The following CSMD1 variants were observed in gnomAD, a reference collection of about 807,000 sequenced individuals.
CSMD1 encodes CUB and sushi domain-containing protein 1.
Under a neutral mutation model 417.5 loss-of-function variants are expected in CSMD1, and 213 were observed. The observed-to-expected ratio is 0.51, with a 90% CI of 0.46 to 0.57. The LOEUF (loss-of-function observed/expected upper bound fraction) is 0.57, where lower values mean the gene tolerates loss of function less well. Ranked by LOEUF, CSMD1 falls within the 20% of genes least tolerant of loss-of-function variation. CSMD1 has a pLI of 0.00. For synonymous variants in CSMD1, 2,862 were observed against 1,736.8 expected, an observed-to-expected ratio of 1.65 and a Z score of -16.11; for missense variants, 6,923 against 4,529.7, an observed-to-expected ratio of 1.53 and a Z score of -15.17.
intron 3 of CSMD1, among the ~76,000 whole-genome samples, chr8:4,138,374 C>A (rs540963254): frequency 1.3e-5 from 2 of 152,104 alleles, no homozygotes; most frequent in Admixed American, 6.5e-5. Flanking sequence ...TGTTCTGATA[C>A]CTGCTCTGGC....
At chr8:4,668,431 AT>A (rs1407003799) in intron 1 of CSMD1, among the ~76,000 whole-genome samples, 3 of 143,334 alleles carry the variant, frequency 2.1e-5, no homozygotes, top group Non-Finnish European at 4.5e-5. Context: ...TATTATTATT[AT>A]TATTATTATT....
At chr8:4,175,256 T>C (rs1002308489) in intron 3 of CSMD1, among the ~76,000 whole-genome samples, 2 of 152,132 alleles carry the variant, frequency 1.3e-5, no homozygotes, top group Non-Finnish European at 1.5e-5. Context: ...AATGAAACCA[T>C]TTATATTTAA....
intron 11 of CSMD1, among the ~76,000 whole-genome samples, chr8:3,483,250 G>A (rs187027694): frequency 6.6e-6 from 1 of 152,076 alleles, no homozygotes; most frequent in Admixed American, 6.5e-5. Flanking sequence ...AAGAGAAAGG[G>A]AGAGAGAGAT....
chr8:3,054,155 G>T (rs962976743), intron 49 of CSMD1, among the ~76,000 whole-genome samples: 4 of 152,100 alleles, frequency 2.6e-5, no homozygotes, highest in African/African-American at 9.7e-5. Context: ...GGAGTTCCTT[G>T]GTTTGCTGTA....
intron 49 of CSMD1, among the ~76,000 whole-genome samples, chr8:3,060,718 T>C (rs987143892): frequency 2.6e-5 from 4 of 152,178 alleles, no homozygotes; most frequent in African/African-American, 9.7e-5. Flanking sequence ...ATGCATCTCC[T>C]CCAAAATTCA....
intron 4 of CSMD1, among the ~76,000 whole-genome samples, chr8:4,004,963 C>G (rs1249528584): frequency 6.6e-6 from 1 of 152,144 alleles, no homozygotes; most frequent in African/African-American, 2.4e-5. Context: ...CCAGGATGGT[C>G]TCAATCTCCT....
At chr8:3,788,895 C>T (rs1028471958) in intron 5 of CSMD1, among the ~76,000 whole-genome samples, 1 of 152,146 alleles carries the variant, frequency 6.6e-6, no homozygotes, top group Non-Finnish European at 1.5e-5. Context: ...GAAACACAGG[C>T]TCAGAGGAGG....
intron 1 of CSMD1, among the ~76,000 whole-genome samples, chr8:4,778,552 A>AC (rs1190727614): frequency 2.0e-5 from 3 of 152,194 alleles, no homozygotes; most frequent in African/African-American, 7.2e-5. Context: ...ATAGATCAAT[A>AC]CTTCCCGCTA....
intron 7 of CSMD1, among the ~76,000 whole-genome samples, chr8:3,692,287 G>A (rs1800291970): frequency 6.6e-6 from 1 of 152,038 alleles, no homozygotes; most frequent in Non-Finnish European, 1.5e-5. Flanking sequence ...ACCACAATTT[G>A]TATACACCCC....
chr8:3,370,143 T>C (rs1445187903), intron 18 of CSMD1, among the ~76,000 whole-genome samples: 1 of 152,190 alleles, frequency 6.6e-6, no homozygotes, highest in African/African-American at 2.4e-5. Context: ...ATATCAATAA[T>C]TTAACCTTTT....
At chr8:4,781,985 T>C (rs1337666797) in intron 1 of CSMD1, among the ~76,000 whole-genome samples, 1 of 152,184 alleles carries the variant, frequency 6.6e-6, no homozygotes. Context: ...ACTTCATTTC[T>C]CCAGAGTTTC....
At chr8:3,979,141 G>C (rs569919446) in intron 5 of CSMD1, among the ~76,000 whole-genome samples, 6 of 152,338 alleles carry the variant, frequency 3.9e-5, no homozygotes, top group Admixed American at 2.6e-4. Context: ...TGGGGCCTCA[G>C]GCCCTGATCA....
intron 2 of CSMD1, among the ~76,000 whole-genome samples, chr8:4,542,751 A>C (rs1323841909): frequency 6.6e-6 from 1 of 152,224 alleles, no homozygotes. Flanking sequence ...AAAATAAGTG[A>C]AAGTACAAAG....
chr8:3,657,349 A>G (rs1798180778), intron 7 of CSMD1, among the ~76,000 whole-genome samples: 1 of 152,224 alleles, frequency 6.6e-6, no homozygotes, highest in Admixed American at 6.5e-5. Context: ...TACCTCACCA[A>G]GAAGTAAAAG....
At chr8:4,453,587 T>C (rs912207943) in intron 2 of CSMD1, among the ~76,000 whole-genome samples, 3 of 152,082 alleles carry the variant, frequency 2.0e-5, no homozygotes, top group Non-Finnish European at 4.4e-5. Flanking sequence ...GCTTGAACAA[T>C]TGAACTGCTG....
At chr8:4,759,191 T>C (rs1031072556) in intron 1 of CSMD1, among the ~76,000 whole-genome samples, 1 of 152,144 alleles carries the variant, frequency 6.6e-6, no homozygotes, top group Non-Finnish European at 1.5e-5. Flanking sequence ...GTTAGTGTTG[T>C]CTTGACTTGA....
chr8:4,412,004 G>C (rs1026398604), intron 3 of CSMD1, among the ~76,000 whole-genome samples: 10 of 151,924 alleles, frequency 6.6e-5, no homozygotes, highest in African/African-American at 2.4e-4. Context: ...GTGTGTGTGT[G>C]TGTGTGTGTG....
intron 11 of CSMD1, among the ~76,000 whole-genome samples, chr8:3,485,154 C>G (rs1294909426): frequency 1.3e-5 from 2 of 152,116 alleles, no homozygotes; most frequent in African/African-American, 2.4e-5. Flanking sequence ...ATACTAGAAG[C>G]AATCCAGGTG....
intron 3 of CSMD1, among the ~76,000 whole-genome samples, chr8:4,409,675 A>ATTT: frequency 6.7e-6 from 1 of 149,170 alleles, no homozygotes; most frequent in African/African-American, 2.5e-5. Flanking sequence ...CACATAAACC[A>ATTT]GATAAAGAGA....
Sources: allele counts gnomAD v4.1 joint callset (sites outside exome capture counted in the v4.1 genomes callset), GRCh38; gene constraint gnomAD v4.1.1; transcripts MANE v1.5; gene names NCBI Gene and HGNC (gene_info 2026-07-23, HGNC 2026-07-21).